Variants in CHAT observed in about 807,000 individuals in gnomAD.
CHAT encodes acetyl CoA:choline O-acetyltransferase.
A neutral mutation model predicts 76.9 loss-of-function variants in CHAT; 61 were observed. That is an observed-to-expected ratio of 0.79 (90% CI 0.65 to 0.98). The LOEUF is 0.98. Among genes scored for constraint, CHAT ranks in the 50% least tolerant of loss-of-function variants. CHAT has a pLI of 0.00. For synonymous variants in CHAT, 407 were observed against 397.4 expected (o/e 1.02, Z -0.29); for missense variants, 946 against 986.9 (o/e 0.96, Z 0.56).
intron 5 of CHAT, among the ~76,000 whole-genome samples, chr10:49,623,469 C>A (rs907278115): frequency 1.3e-5 from 2 of 152,184 alleles, no homozygotes; most frequent in Non-Finnish European, 2.9e-5. Flanking sequence ...ATTCACTTTG[C>A]AATGTAGTTA....
chr10:49,643,101 A>G (rs1312364712), intron 7 of CHAT, among the ~76,000 whole-genome samples: 1 of 152,254 alleles, frequency 6.6e-6, no homozygotes, highest in Non-Finnish European at 1.5e-5. Context: ...GCCTAAGGTC[A>G]AGATATTTGG....
intron 7 of CHAT, chr10:49,637,282 A>G (rs1839326462): frequency 6.6e-6 from 1 of 152,130 alleles, no homozygotes; most frequent in African/African-American, 2.4e-5. Context: ...TCTCATCAAT[A>G]CTTTAGCTAT....
upstream of CHAT, among the ~76,000 whole-genome samples, chr10:49,609,727 G>A (rs1042991325): frequency 1.3e-5 from 2 of 151,850 alleles, no homozygotes; most frequent in African/African-American, 4.8e-5. Flanking sequence ...CTCCCCTCCT[G>A]GCGGGAGTGT....
chr10:49,617,606 C>T (rs376153736), intron 2 of CHAT, among the ~76,000 whole-genome samples: 22 of 152,306 alleles, frequency 1.4e-4, no homozygotes, highest in East Asian at 7.7e-4. Context: ...TAAGTCACAG[C>T]GCACTGTCAG....
Position 49,627,594 on chromosome 10 carries a change from T to C in CHAT, c.934-14T>C. The C allele has an allele frequency of 6.2e-7, 1 of 1,614,002 alleles. No individual in the cohort carries two copies. ...CACCCAACAAGTGACATGTTTGACC[T>C]GTTTACCCCACAGTTCTTTGTCTTG... On this transcript the variant is annotated splice_polypyrimidine_tract_variant and intron_variant, in intron 6 of 14. Coordinates refer to ENST00000337653, the MANE Select transcript of CHAT (RefSeq NM_020549.5).
At chr10:49,640,179 T>A (rs1839433150) in intron 7 of CHAT, among the ~76,000 whole-genome samples, 1 of 152,220 alleles carries the variant, frequency 6.6e-6, no homozygotes, top group South Asian at 2.1e-4. Flanking sequence ...ATTTTATTTA[T>A]TTATTTATTT....
intron 7 of CHAT, among the ~76,000 whole-genome samples, chr10:49,640,869 T>C (rs1249143152): frequency 6.6e-6 from 1 of 152,262 alleles, no homozygotes; most frequent in African/African-American, 2.4e-5. Context: ...TGTTTTTAAC[T>C]ATACCCACTT....
At chr10:49,616,746 C>T in intron 2 of CHAT, 144 bp downstream of exon 2, 1 of 705,412 alleles carries the variant, frequency 1.4e-6, no homozygotes, top group Non-Finnish European at 2.6e-6. Flanking sequence ...CAGGCTACAG[C>T]TCCACCCCCA....
chr10:49,616,636 C>T (rs747457044), intron 2 of CHAT, 34 bp downstream of exon 2: 14 of 1,397,110 alleles, frequency 1.0e-5, no homozygotes, highest in Non-Finnish European at 1.3e-5. Flanking sequence ...CTCAACCCTG[C>T]TTTCCCCACC....
At chr10:49,644,562 C>T (rs982790376) in intron 7 of CHAT, among the ~76,000 whole-genome samples, 9 of 152,138 alleles carry the variant, frequency 5.9e-5, no homozygotes, top group African/African-American at 1.9e-4. Flanking sequence ...GCATCCTGCC[C>T]TCATAGGGAC....
At chr10:49,622,329 G>A (rs879504731) in intron 5 of CHAT, among the ~76,000 whole-genome samples, 179 bp downstream of exon 5, 2 of 152,216 alleles carry the variant, frequency 1.3e-5, no homozygotes, top group Non-Finnish European at 2.9e-5. Flanking sequence ...TGGCTGGCCT[G>A]TCTGTTAACT....
At chr10:49,633,391 G>A (rs1486925837) in intron 7 of CHAT, among the ~76,000 whole-genome samples, 1 of 152,076 alleles carries the variant, frequency 6.6e-6, no homozygotes, top group East Asian at 1.9e-4. Flanking sequence ...TGTTACACCT[G>A]CGAGGTGGGA....
At chr10:49,631,136 G>A (rs1318353266) in intron 7 of CHAT, among the ~76,000 whole-genome samples, 4 of 152,178 alleles carry the variant, frequency 2.6e-5, no homozygotes, top group Admixed American at 1.3e-4. Context: ...GGCCAAGAAC[G>A]GTCATGCTGG....
intron 2 of CHAT, 54 bp from the exon 3 acceptor site, chr10:49,619,671 C>T: frequency 6.4e-7 from 1 of 1,553,904 alleles, no homozygotes; most frequent in East Asian, 2.2e-5. Context: ...AACTTGGGGA[C>T]AGGCATGGGG....
intron 1 of CHAT, among the ~76,000 whole-genome samples, chr10:49,615,254 C>T (rs1448135185): frequency 1.3e-5 from 2 of 152,194 alleles, no homozygotes; most frequent in Non-Finnish European, 2.9e-5. Context: ...GCTGTCCTCT[C>T]AAAAGACTGC....
At chr10:49,628,949 C>T (rs769481075) in intron 7 of CHAT, among the ~76,000 whole-genome samples, 23 of 152,272 alleles carry the variant, frequency 1.5e-4, no homozygotes, top group Non-Finnish European at 2.6e-4. Flanking sequence ...TGGTCTCTCT[C>T]TAGAAGGGTC....
intron 4 of CHAT, 100 bp downstream of exon 4, chr10:49,620,713 C>A: frequency 2.1e-6 from 2 of 935,384 alleles, no homozygotes; most frequent in East Asian, 2.5e-5. Context: ...GGAGCCTCGG[C>A]TGAGCTTCCT....
rs76591206 is a variant in CHAT, at chr10:49,645,500, G to A, written c.1112-1005G>A. On this transcript the variant is annotated intron_variant, in intron 7 of 14. Transcript: ENST00000337653. The stretch of plus-strand genomic sequence containing the variant: ...AGTACTGAGCAGTGGAGAGAACATC[G>A]TCAGCACAATAGACTCCTGTTTGGA... Among the ~76,000 whole-genome samples the A allele has an allele frequency of 3.9e-3, 590 of 152,336 alleles. 6 individuals are homozygous for A. Among genetic ancestry groups the A allele is most frequent in the African/African-American group, 0.014 (570 of 41,578 alleles).
chr10:49,645,359 C>T (rs1382526185), intron 7 of CHAT, among the ~76,000 whole-genome samples: 1 of 152,190 alleles, frequency 6.6e-6, no homozygotes, highest in African/African-American at 2.4e-5. Flanking sequence ...GCAGCCCTCA[C>T]CATTGGGTCT....
Sources: gnomAD v4.1 joint callset for allele counts (sites outside exome capture counted in the v4.1 genomes callset) on GRCh38, gnomAD v4.1.1 for gene constraint, MANE v1.5 for transcripts, NCBI Gene and HGNC (gene_info 2026-07-23, HGNC 2026-07-21) for gene names.